The following LEPR variants were observed in gnomAD, a reference collection of about 807,000 sequenced individuals.
LEPR encodes the protein leptin receptor, also known as OB receptor.
LEPR carries 56 observed loss-of-function variants against 114.7 expected under a neutral mutation model. The observed-to-expected ratio is 0.49, with a 90% CI of 0.39 to 0.61. LEPR has a LOEUF of 0.61. LEPR is among the 20% of genes least tolerant of loss of function. The probability of loss-of-function intolerance (pLI) is 0.00; values close to 1 mark genes in which losing one functional copy is unlikely to be tolerated. For missense variants in LEPR, 1,202 were observed against 1,352.9 expected (o/e 0.89, Z 1.75); for synonymous variants, 443 against 461.4 (o/e 0.96, Z 0.51).
Position 65,575,454 on chromosome 1 carries a change from CT to C in LEPR, c.494+3008del, listed in dbSNP as rs1162380914. 5.2e-5 allele frequency among the ~76,000 whole-genome samples: 7 copies of C among 133,706 alleles called. No individual in the cohort carries two copies. In the South Asian group the frequency reaches 1.6e-3, roughly 30 times the overall value. The allele number at this position is 133,706 out of a possible 152,430, so 87.7% of individuals were successfully genotyped here. ...TTTCACTTAATTAAGTGCAACTATA[CT>C]TTAAAAAAAAAATCAAAAAGATCCT... On this transcript the variant is annotated intron_variant, in intron 5 of 19. Coordinates refer to ENST00000349533, the MANE Select transcript of LEPR (RefSeq NM_002303.6).
chr1:65,436,173 A>G (rs754345243), intron 2 of LEPR, among the ~76,000 whole-genome samples: 33 of 152,222 alleles, frequency 2.2e-4, no homozygotes, highest in Non-Finnish European at 3.4e-4. Flanking sequence ...AGTTGAAGAG[A>G]AACAGTTCAG....
At chr1:65,604,178 A>G (rs1656650961) in intron 10 of LEPR, among the ~76,000 whole-genome samples, 1 of 151,904 alleles carries the variant, frequency 6.6e-6, no homozygotes, top group East Asian at 1.9e-4. Context: ...TATTTATTTC[A>G]TTTGCATCCC....
chr1:65,458,985 G>T (rs886511532), intron 2 of LEPR, among the ~76,000 whole-genome samples: 2 of 152,096 alleles, frequency 1.3e-5, no homozygotes, highest in African/African-American at 4.8e-5. Flanking sequence ...TCCATCAAAG[G>T]CACTCTTCAT....
At chr1:65,470,189 C>T (rs1275628585) in intron 2 of LEPR, among the ~76,000 whole-genome samples, 1 of 152,220 alleles carries the variant, frequency 6.6e-6, no homozygotes, top group East Asian at 1.9e-4. Flanking sequence ...ATTTTAAACA[C>T]TTATTGTGCC....
chr1:65,601,368 A>G (rs557056470), intron 8 of LEPR, 24 bp from the exon 9 acceptor site: 10 of 1,609,384 alleles, frequency 6.2e-6, no homozygotes, highest in Non-Finnish European at 7.6e-6. Flanking sequence ...TCTTCATCTG[A>G]TATCCTTTCT....
chr1:65,624,124 A>G (rs1161171984), intron 19 of LEPR, among the ~76,000 whole-genome samples: 3 of 152,152 alleles, frequency 2.0e-5, no homozygotes, highest in African/African-American at 7.2e-5. Flanking sequence ...ACTGAGATAC[A>G]TATTCTTACA....
chr1:65,485,310 A>G (rs1000776704), intron 2 of LEPR, among the ~76,000 whole-genome samples: 2 of 152,162 alleles, frequency 1.3e-5, no homozygotes, highest in Non-Finnish European at 2.9e-5. Context: ...ACCATGGGCC[A>G]GGCACTGACT....
In LEPR at chr1:65,570,785, T is replaced by C; in HGVS notation, c.353T>C (p.Leu118Ser). ...GKTFVSTVNS[L>S]VFQQIDANWN... ...ACATTTGTTTCAACAGTAAATTCTT[T>C]AGTTTTTCAACAAATAGGTAAGCAT... Residue 118 changes from leucine (L) to serine (S), a missense_variant, in exon 4 of 20, where the codon TTA becomes TCA. Coordinates refer to ENST00000349533, the MANE Select transcript of LEPR (RefSeq NM_002303.6). The C allele has an allele frequency of 3.8e-6, 6 of 1,559,162 alleles. No individual in the cohort carries two copies. Among genetic ancestry groups the C allele is most frequent in the Non-Finnish European group, 4.3e-6 (5 of 1,154,246 alleles).
chr1:65,536,519 C>T (rs1650789263), intron 2 of LEPR, among the ~76,000 whole-genome samples: 1 of 152,110 alleles, frequency 6.6e-6, no homozygotes, highest in Admixed American at 6.5e-5. Flanking sequence ...AGAAAAAGCT[C>T]TGCGTATTTA....
At chr1:65,617,222 G>T (rs1358470300) in intron 15 of LEPR, among the ~76,000 whole-genome samples, 1 of 152,082 alleles carries the variant, frequency 6.6e-6, no homozygotes, top group Non-Finnish European at 1.5e-5. Flanking sequence ...ATGTCTATTT[G>T]CAAACTGAGA....
intron 5 of LEPR, among the ~76,000 whole-genome samples, chr1:65,575,349 C>T (rs1485672994): frequency 6.6e-6 from 1 of 151,614 alleles, no homozygotes; most frequent in African/African-American, 2.4e-5. Flanking sequence ...ACTTCATTGG[C>T]TCATTGGCTA....
chr1:65,622,789 C>T (rs1483600133), intron 18 of LEPR, 117 bp from the exon 19 acceptor site: 2 of 1,007,386 alleles, frequency 2.0e-6, no homozygotes, highest in East Asian at 2.6e-5. Flanking sequence ...TGCATCTGAC[C>T]CTACGGAGGC....
At chr1:65,423,282 A>G (rs1204084199) in intron 1 of LEPR, among the ~76,000 whole-genome samples, 1 of 152,152 alleles carries the variant, frequency 6.6e-6, no homozygotes, top group African/African-American at 2.4e-5. Context: ...AGTTTTCAGC[A>G]GGAGTGCGTG....
intron 2 of LEPR, chr1:65,427,718 G>C: frequency 3.1e-6 from 1 of 324,048 alleles, no homozygotes; most frequent in Non-Finnish European, 6.2e-6. Context: ...GTAAGAAAAT[G>C]ACTCATTACT....
In LEPR at chr1:65,608,767, C is replaced by T; in HGVS notation, c.1618C>T (p.Pro540Ser). The T allele has an allele frequency of 6.2e-7, 1 of 1,613,508 alleles. No individual in the cohort carries two copies. The highest frequency in any genetic ancestry group is 8.5e-7 in the Non-Finnish European group (1 of 1,179,726). The stretch of plus-strand genomic sequence containing the variant: ...AAAATTTCTAGTGAAGCCACTGCCT[C>T]CATCCAGTGTGAAAGCAGAAATTAC... ...LPDSVVKPLP[P>S]SSVKAEITIN... Residue 540 changes from proline to serine, a missense_variant, in exon 12 of 20, where the codon CCA becomes TCA. Coordinates refer to ENST00000349533, the MANE Select transcript of LEPR (RefSeq NM_002303.6).
intron 14 of LEPR, 34 bp downstream of exon 14, chr1:65,610,330 A>C: frequency 6.6e-7 from 1 of 1,523,710 alleles, no homozygotes; most frequent in Non-Finnish European, 9.0e-7. Context: ...CTTAAATTGT[A>C]TTTTTATACT....
At chr1:65,564,205 A>G (rs1221269942) in intron 2 of LEPR, among the ~76,000 whole-genome samples, 2 of 150,866 alleles carry the variant, frequency 1.3e-5, no homozygotes, top group South Asian at 4.3e-4. Flanking sequence ...AATCAGCGAG[A>G]TTCCGTGGGC....
At chr1:65,426,821 A>AC (rs1646383202) in intron 2 of LEPR, among the ~76,000 whole-genome samples, 1 of 152,082 alleles carries the variant, frequency 6.6e-6, no homozygotes, top group South Asian at 2.1e-4. Context: ...ACATGGTGAA[A>AC]CCCCATCTCT....
chr1:65,468,530 T>C (rs994185168), intron 2 of LEPR, among the ~76,000 whole-genome samples: 5 of 152,174 alleles, frequency 3.3e-5, no homozygotes, highest in Admixed American at 1.3e-4. Context: ...TTTGTAACCT[T>C]GGAAAAAAGA....
Sources: gnomAD v4.1 joint callset for allele counts (sites outside exome capture counted in the v4.1 genomes callset) on GRCh38, gnomAD v4.1.1 for gene constraint, MANE v1.5 for transcripts, NCBI Gene and HGNC (gene_info 2026-07-23, HGNC 2026-07-21) for gene names.